Variants in CNTNAP2 observed in about 807,000 individuals in gnomAD.
CNTNAP2 encodes contactin associated protein 2, also known as contactin-associated protein-like 2.
A neutral mutation model predicts 155.2 loss-of-function variants in CNTNAP2; 98 were observed. That is an observed-to-expected ratio of 0.63 (90% CI 0.54 to 0.75). The LOEUF is 0.75. Ranked by LOEUF, CNTNAP2 falls within the 30% of genes least tolerant of loss-of-function variation. The pLI is 0.00. For missense variants in CNTNAP2, 1,727 were observed against 1,688.1 expected (o/e 1.02, Z -0.40); for synonymous variants, 651 against 631.2 (o/e 1.03, Z -0.47).
chr7:147,623,370 A>T (rs1048682549), intron 12 of CNTNAP2, among the ~76,000 whole-genome samples: 3 of 152,004 alleles, frequency 2.0e-5, no homozygotes, highest in Non-Finnish European at 1.5e-5. Context: ...AAGACTCCAC[A>T]AAAAAACTAT....
At chr7:146,642,133 T>A (rs1180215686) in intron 1 of CNTNAP2, among the ~76,000 whole-genome samples, 1 of 151,898 alleles carries the variant, frequency 6.6e-6, no homozygotes, top group African/African-American at 2.4e-5. Flanking sequence ...TTTGGTTTTT[T>A]ATTTTTTTAT....
chr7:148,400,467 AGAGCC>A (rs750270779), intron 22 of CNTNAP2, among the ~76,000 whole-genome samples: 1 of 152,200 alleles, frequency 6.6e-6, no homozygotes, highest in Non-Finnish European at 1.5e-5. Context: ...ACCTCAACGA[AGAGCC>A]GTACGGCACT....
At position 146,973,803 on chromosome 7, in the gene CNTNAP2, TC is replaced by T. The variant is rs1173845906; in HGVS notation, c.403-70103del. On this transcript the variant is annotated intron_variant, in intron 3 of 23. Coordinates refer to ENST00000361727, the MANE Select transcript of CNTNAP2 (RefSeq NM_014141.6). ...CCCAATTGGCATCATTCATGAAGTT[TC>T]TGTGTGATTAGTTCCAACTGGATTT... Among the ~76,000 whole-genome samples, 14 of 152,196 alleles carry T rather than the reference TC, an allele frequency of 9.2e-5. No individual in the cohort carries two copies. The South Asian group carries it at 2.3e-3, about 25-fold the overall frequency.
chr7:148,073,532 T>A (rs1420040791), intron 15 of CNTNAP2, among the ~76,000 whole-genome samples: 1 of 152,170 alleles, frequency 6.6e-6, no homozygotes, highest in East Asian at 1.9e-4. Context: ...TTAGTAGACT[T>A]CTGGATTATT....
chr7:146,380,853 A>G (rs371622377), intron 1 of CNTNAP2, among the ~76,000 whole-genome samples: 1 of 111,958 alleles, frequency 8.9e-6, no homozygotes, highest in Non-Finnish European at 1.7e-5. Flanking sequence ...GCTGGAGTGC[A>G]GTGGCGCAAT....
intron 10 of CNTNAP2, among the ~76,000 whole-genome samples, chr7:147,414,294 G>C (rs1036920210): frequency 3.9e-5 from 6 of 151,920 alleles, no homozygotes; most frequent in African/African-American, 1.5e-4. Flanking sequence ...CTCTGTGGCA[G>C]GTGACTGTGA....
chr7:148,181,251 C>T (rs778393785), intron 18 of CNTNAP2, among the ~76,000 whole-genome samples: 2 of 152,138 alleles, frequency 1.3e-5, no homozygotes, highest in African/African-American at 2.4e-5. Context: ...TAAGAAATCC[C>T]CTCTCGTATG....
intron 1 of CNTNAP2, among the ~76,000 whole-genome samples, chr7:146,520,230 T>A (rs2129137217): frequency 6.7e-6 from 1 of 149,812 alleles, no homozygotes; most frequent in African/African-American, 2.4e-5. Context: ...TCTACTAATT[T>A]TCATTGTCTT....
chr7:146,232,383 A>G (rs1299855754), intron 1 of CNTNAP2, among the ~76,000 whole-genome samples: 2 of 151,876 alleles, frequency 1.3e-5, no homozygotes, highest in African/African-American at 4.8e-5. Context: ...GGAAAAGGTA[A>G]GTAGAAATCT....
At chr7:146,677,430 T>C (rs2129169219) in intron 1 of CNTNAP2, among the ~76,000 whole-genome samples, 1 of 152,322 alleles carries the variant, frequency 6.6e-6, no homozygotes, top group South Asian at 2.1e-4. Flanking sequence ...GAGTCACTTC[T>C]ATTGGTCTTG....
intron 1 of CNTNAP2, among the ~76,000 whole-genome samples, chr7:146,699,210 A>G (rs1287307431): frequency 3.9e-5 from 6 of 152,156 alleles, no homozygotes; most frequent in Admixed American, 3.9e-4. Flanking sequence ...AATAAAACAC[A>G]TAGTGCCTTA....
intron 15 of CNTNAP2, among the ~76,000 whole-genome samples, chr7:148,058,216 G>C (rs1202777111): frequency 6.6e-6 from 1 of 152,104 alleles, no homozygotes; most frequent in East Asian, 1.9e-4. Flanking sequence ...AGTCTTTCAT[G>C]CCTCATCACA....
chr7:146,737,592 A>G (rs768805715), intron 1 of CNTNAP2, among the ~76,000 whole-genome samples: 1 of 152,164 alleles, frequency 6.6e-6, no homozygotes, highest in Non-Finnish European at 1.5e-5. Context: ...ATACGCTTAT[A>G]ACTTATGTGT....
chr7:147,581,751 T>C (rs1026332607), intron 12 of CNTNAP2, among the ~76,000 whole-genome samples: 1 of 152,214 alleles, frequency 6.6e-6, no homozygotes, highest in Non-Finnish European at 1.5e-5. Context: ...TTTAGTTATC[T>C]GAAATAAAAC....
chr7:147,874,456 C>T (rs564473543), intron 13 of CNTNAP2, among the ~76,000 whole-genome samples: 73 of 152,354 alleles, frequency 4.8e-4, no homozygotes, highest in Middle Eastern at 3.4e-3. Flanking sequence ...TCTGAAGCCA[C>T]GGCTCAAGCT....
At chr7:148,064,107 G>A (rs1292348191) in intron 15 of CNTNAP2, among the ~76,000 whole-genome samples, 2 of 152,034 alleles carry the variant, frequency 1.3e-5, no homozygotes, top group Non-Finnish European at 2.9e-5. Context: ...TTTTATACCA[G>A]TACCATGCCA....
At chr7:147,802,529 C>T (rs1196599757) in intron 13 of CNTNAP2, among the ~76,000 whole-genome samples, 1 of 152,192 alleles carries the variant, frequency 6.6e-6, no homozygotes, top group Non-Finnish European at 1.5e-5. Context: ...ATCCTGGCAC[C>T]TCGGGAGGCC....
At chr7:146,918,204 T>C (rs1468003106) in intron 3 of CNTNAP2, among the ~76,000 whole-genome samples, 1 of 152,142 alleles carries the variant, frequency 6.6e-6, no homozygotes, top group Non-Finnish European at 1.5e-5. Context: ...AGGTGAGGTA[T>C]TGTTTTATTC....
intron 3 of CNTNAP2, among the ~76,000 whole-genome samples, chr7:146,877,130 CA>C (rs1795444702): frequency 6.6e-6 from 1 of 151,850 alleles, no homozygotes; most frequent in Non-Finnish European, 1.5e-5. Flanking sequence ...CAAGAAATAA[CA>C]AAAGCATTGC....
Sources: allele counts gnomAD v4.1 joint callset (sites outside exome capture counted in the v4.1 genomes callset), GRCh38; gene constraint gnomAD v4.1.1; transcripts MANE v1.5; gene names NCBI Gene and HGNC (gene_info 2026-07-23, HGNC 2026-07-21).